Variants in CD1B observed in about 807,000 individuals in gnomAD.
CD1B encodes CD1b molecule.
A neutral mutation model predicts 39.8 loss-of-function variants in CD1B; 43 were observed. The observed-to-expected ratio is 1.08, with a 90% CI of 0.85 to 1.39. The LOEUF (loss-of-function observed/expected upper bound fraction) is 1.39, where lower values mean the gene tolerates loss of function less well. Ranked by LOEUF, CD1B falls within the 40% of genes most tolerant of loss-of-function variation. CD1B has a pLI of 0.00. For synonymous variants in CD1B, 192 were observed against 152.5 expected, an observed-to-expected ratio of 1.26 and a Z score of -1.91; for missense variants, 495 against 403.8, an observed-to-expected ratio of 1.23 and a Z score of -1.94.
the CD1B span, among the ~76,000 whole-genome samples, chr1:158,322,380 A>G: frequency 6.6e-6 from 1 of 150,768 alleles, no homozygotes; most frequent in African/African-American, 2.4e-5. Flanking sequence ...GGGACTACAG[A>G]CACAAGCCAC....
chr1:158,287,519 A>G, the CD1B span, among the ~76,000 whole-genome samples: 1 of 152,116 alleles, frequency 6.6e-6, no homozygotes, highest in Non-Finnish European at 1.5e-5. Flanking sequence ...GGGAGGGTAC[A>G]CAAACTTTCA....
chr1:158,318,173 T>C, the CD1B span, among the ~76,000 whole-genome samples: 1 of 152,216 alleles, frequency 6.6e-6, no homozygotes, highest in Non-Finnish European at 1.5e-5. Flanking sequence ...TAGATGTCTA[T>C]TAGGTCCGCT....
chr1:158,304,148 C>A, the CD1B span, among the ~76,000 whole-genome samples: 1 of 152,118 alleles, frequency 6.6e-6, no homozygotes, highest in Non-Finnish European at 1.5e-5. Context: ...GAGGCATCGC[C>A]TCACCTGGGA....
chr1:158,318,142 G>T, the CD1B span, among the ~76,000 whole-genome samples: 7 of 152,314 alleles, frequency 4.6e-5, no homozygotes, highest in Admixed American at 2.0e-4. Flanking sequence ...ATATTCTGTT[G>T]ATTTGGGGTG....
chr1:158,299,938 G>A, the CD1B span, among the ~76,000 whole-genome samples: 2 of 151,892 alleles, frequency 1.3e-5, no homozygotes, highest in Admixed American at 1.3e-4. Flanking sequence ...AAAAAGCCAG[G>A]TCCTGGATTC....
chr1:158,327,077 G>A (rs754827025), downstream of CD1B, among the ~76,000 whole-genome samples: 10 of 152,186 alleles, frequency 6.6e-5, no homozygotes, highest in Admixed American at 1.3e-4. Context: ...GATTACAGGC[G>A]TGAGCCACCA....
At chr1:158,292,539 G>C in the CD1B span, 9 of 1,572,246 alleles carry the variant, frequency 5.7e-6, no homozygotes, top group Admixed American at 5.2e-5. Flanking sequence ...ATGTGTGTAT[G>C]TGGATGTAAG....
intron 2 of CD1B, chr1:158,330,590 T>G (rs939305651): frequency 1.4e-6 from 1 of 711,378 alleles, no homozygotes; most frequent in African/African-American, 1.7e-5. Context: ...AGTCTGAGAG[T>G]AAGAGAAGAG....
the CD1B span, among the ~76,000 whole-genome samples, chr1:158,287,159 C>T: frequency 6.6e-6 from 1 of 152,190 alleles, no homozygotes; most frequent in South Asian, 2.1e-4. Flanking sequence ...TCTCTCACAG[C>T]TCTAGAGGCT....
At chr1:158,291,066 T>C in the CD1B span, 1 of 1,498,890 alleles carries the variant, frequency 6.7e-7, no homozygotes, top group Non-Finnish European at 9.0e-7. Flanking sequence ...CCTTCCATTT[T>C]CTCTCCATTT....
chr1:158,327,118 G>C (rs1652384431), downstream of CD1B, among the ~76,000 whole-genome samples: 4 of 152,146 alleles, frequency 2.6e-5, no homozygotes, highest in South Asian at 8.3e-4. Flanking sequence ...ATTAATTAAT[G>C]GACCAGCGCT....
chr1:158,315,104 C>T, the CD1B span, among the ~76,000 whole-genome samples: 7 of 151,522 alleles, frequency 4.6e-5, no homozygotes, highest in African/African-American at 1.7e-4. Context: ...GTGAATAATG[C>T]CGCAATAAAC....
In CD1B at chr1:158,329,985, C is replaced by T. The variant is rs763870783; in HGVS notation, c.474G>A (p.Arg158=). The change falls in exon 3 of 6, where the codon AGG becomes AGA. Residue 158 remains arginine, a synonymous_variant. Transcript: ENST00000368168. ...SCVPSPEGGS[R]AQKFCALIIQ... The stretch of plus-strand genomic sequence containing the variant: ...TGATTAGTGCACAGAATTTCTGTGC[C>T]CTGCTGCCACCTTCTGGGGAAGGCA... 1.9e-6 allele frequency: 3 copies of T among 1,614,006 alleles called. No homozygotes were observed. In the South Asian group the frequency reaches 3.3e-5, roughly 18 times the overall value.
chr1:158,324,469 C>T (rs1223476620), downstream of CD1B, among the ~76,000 whole-genome samples: 3 of 152,092 alleles, frequency 2.0e-5, no homozygotes, highest in African/African-American at 7.3e-5. Context: ...TCTATTCTGA[C>T]TATAACATAT....
downstream of CD1B, among the ~76,000 whole-genome samples, chr1:158,326,235 G>A (rs1176925426): frequency 2.0e-5 from 3 of 152,070 alleles, no homozygotes; most frequent in Non-Finnish European, 4.4e-5. Flanking sequence ...GCCTCCCAAA[G>A]TGCTGGGATT....
chr1:158,293,465 G>A, the CD1B span: 28 of 1,613,868 alleles, frequency 1.7e-5, no homozygotes, highest in Non-Finnish European at 2.3e-5. Flanking sequence ...CTCATATCAG[G>A]ACATCCTGTG....
rs1229743375 is a variant in CD1B, at chr1:158,331,376, A to G, written c.48T>C (p.Gly16=). 6.2e-7 allele frequency: 1 copy of G among 1,613,946 alleles called. No individual in the cohort carries two copies. Among genetic ancestry groups the G allele is most frequent in the Non-Finnish European group, 8.5e-7 (1 of 1,179,822 alleles). Residue 16 remains glycine (G), a synonymous_variant, in exon 1 of 6, where the codon GGT becomes GGC. Coordinates refer to ENST00000368168, the MANE Select transcript of CD1B (RefSeq NM_001764.3). ...AGTGACTCTTACCATGTTCACTGTT[A>G]CCACCAGGAAAGAGAACAGCTAACA... The part of the protein sequence containing the change: ...FQLLAVLFPG[G]NSEHAFQGPT...
chr1:158,301,380 C>A, the CD1B span, among the ~76,000 whole-genome samples: 2 of 152,244 alleles, frequency 1.3e-5, no homozygotes, highest in South Asian at 4.1e-4. Flanking sequence ...TTCTTCATAG[C>A]ATCAATGGTC....
the CD1B span, among the ~76,000 whole-genome samples, chr1:158,319,508 G>A: frequency 6.6e-6 from 1 of 152,166 alleles, no homozygotes; most frequent in Non-Finnish European, 1.5e-5. Context: ...TTGGTTGTCA[G>A]CTCCATCACT....
Sources: gnomAD v4.1 joint callset for allele counts (sites outside exome capture counted in the v4.1 genomes callset) on GRCh38, gnomAD v4.1.1 for gene constraint, MANE v1.5 for transcripts, NCBI Gene and HGNC (gene_info 2026-07-23, HGNC 2026-07-21) for gene names.